Variants in LTBP4 observed in about 807,000 individuals in gnomAD.
LTBP4 encodes latent-transforming growth factor beta-binding protein 4.
LTBP4 carries 93 observed loss-of-function variants against 180.2 expected under a neutral mutation model. That is an observed-to-expected ratio of 0.52 (90% CI 0.44 to 0.61). LTBP4 has a LOEUF of 0.61. LTBP4 is among the 20% of genes least tolerant of loss of function. The pLI is 0.00. For missense variants in LTBP4, 2,116 were observed against 2,256.5 expected (o/e 0.94, Z 1.26); for synonymous variants, 947 against 934.5 (o/e 1.01, Z -0.24).
At chr19:40,618,665 G>T (rs938910428) in intron 21 of LTBP4, among the ~76,000 whole-genome samples, 8 of 152,150 alleles carry the variant, frequency 5.3e-5, no homozygotes, top group African/African-American at 1.9e-4. Flanking sequence ...ACAGGCATGA[G>T]CCATTGTACC....
chr19:40,612,978 C>T, intron 15 of LTBP4, 87 bp from the exon 16 acceptor site: 1 of 1,398,598 alleles, frequency 7.2e-7, no homozygotes, highest in Non-Finnish European at 9.9e-7. Flanking sequence ...AGACTTCCCA[C>T]CACCTCCCCC....
At position 40,622,605 on chromosome 19, in the gene LTBP4, G is replaced by C. The variant is rs1449406681; in HGVS notation, c.3422G>C (p.Cys1141Ser). 1 of 1,613,120 alleles carries C rather than the reference G, an allele frequency of 6.2e-7. No homozygotes were observed. Among genetic ancestry groups the C allele is most frequent in the Admixed American group, 1.7e-5 (1 of 59,992 alleles). ...ARNVTWQECC[C>S]TVGEGWGSGC... is the part of the protein sequence containing the mutation. ...AATGTGACATGGCAGGAGTGCTGCT[G>C]TACTGTGGGTGAGGGCTGGGGCAGC... Residue 1141 changes from cysteine (C) to serine (S), a missense_variant, in exon 23 of 30, where the codon TGT becomes TCT. Cys to Ser is a moderately radical substitution (Grantham distance 112, BLOSUM62 -1). Coordinates refer to ENST00000396819, the MANE Select transcript of LTBP4 (RefSeq NM_001042545.2). The surrounding 1 kb of genome is among the most constrained non-coding windows in gnomAD (Gnocchi z 5.1).
chr19:40,625,301 TATA>T (rs2081623606), intron 26 of LTBP4, among the ~76,000 whole-genome samples: 1 of 20,386 alleles, frequency 4.9e-5, no homozygotes, highest in African/African-American at 4.2e-4. Context: ...TATATATATA[TATA>T]TATATATATA....
In LTBP4 at chr19:40,629,329, A is replaced by C; in HGVS notation, c.4520-67A>C. Reference sequence around the variant, plus strand: ...CTGTGCTCCTCTGTTCCAAGAACTTAAGGGGCCAAGGAGGCGAGCTTCTGG... The same window carrying C: ...CTGTGCTCCTCTGTTCCAAGAACTTCAGGGGCCAAGGAGGCGAGCTTCTGG... On this transcript the variant is annotated intron_variant, in intron 29 of 29. Coordinates refer to ENST00000396819, the MANE Select transcript of LTBP4 (RefSeq NM_001042545.2). This position sits in a 1 kb window ranked among gnomAD's most constrained non-coding sequence, Gnocchi z 4.5. The C allele has an allele frequency of 1.3e-6, 2 of 1,598,236 alleles. No homozygotes were observed. The highest frequency in any genetic ancestry group is 1.7e-6 in the Non-Finnish European group (2 of 1,167,850).
chr19:40,606,052 G>C (rs561159561), intron 4 of LTBP4, among the ~76,000 whole-genome samples, 181 bp from the exon 5 acceptor site: 125 of 152,196 alleles, frequency 8.2e-4, no homozygotes, highest in African/African-American at 3.0e-3. Context: ...TTGTGCCTTG[G>C]CCCCCCACCA....
Position 40,620,943 on chromosome 19 carries a change from GT to G in LTBP4, c.3218-1447del, listed in dbSNP as rs879638174. Among the ~76,000 whole-genome samples, 41 of 147,122 alleles carry G rather than the reference GT, an allele frequency of 2.8e-4. No homozygotes were observed. In the East Asian group the frequency reaches 3.2e-3, roughly 11 times the overall value. On this transcript the variant is annotated intron_variant, in intron 22 of 29. Coordinates refer to ENST00000396819, the MANE Select transcript of LTBP4 (RefSeq NM_001042545.2). Reference sequence around the variant, plus strand: ...TAGTAAGCACAGTACCCAACAGCCAGTTTTTTTTTTTCTTTGAGACGGAGTT... The same window carrying G: ...TAGTAAGCACAGTACCCAACAGCCAGTTTTTTTTTTCTTTGAGACGGAGTT...
At chr19:40,626,675 C>G (rs1265451926) in intron 27 of LTBP4, among the ~76,000 whole-genome samples, 2 of 152,180 alleles carry the variant, frequency 1.3e-5, no homozygotes, top group Non-Finnish European at 2.9e-5. Context: ...CTGGGATTCC[C>G]CAGTCCTGGT....
At position 40,604,916 on chromosome 19, in the gene LTBP4, G is replaced by A. The variant is rs2081447583; in HGVS notation, c.251-119G>A. Reference sequence around the variant, plus strand: ...ATGCTGATGCCAGAATTGGGGCGGGGCCACATGACAGCTAAGGGCGGAGCG... The same window carrying A: ...ATGCTGATGCCAGAATTGGGGCGGGACCACATGACAGCTAAGGGCGGAGCG... On this transcript the variant is annotated intron_variant, in intron 1 of 29. Transcript: ENST00000396819. 8.0e-6 allele frequency: 7 copies of A among 871,076 alleles called. No individual in the cohort carries two copies. The African/African-American group carries it at 1.2e-4, about 15-fold the overall frequency. 54.0% of individuals were successfully genotyped at this position (871,076 alleles called of 1,614,324 possible).
At position 40,622,914 on chromosome 19, in the gene LTBP4, T is replaced by A. The variant is rs2146044402; in HGVS notation, c.3485-36T>A. ...AGCAGGTCAGGGCTGGGGCTGGGGC[T>A]CTGGTGTCCTGGCTCAGGCTTGTCT... On this transcript the variant is annotated intron_variant, in intron 23 of 29. Transcript: ENST00000396819. The surrounding 1 kb of genome is among the most constrained non-coding windows in gnomAD (Gnocchi z 5.1). 1.2e-6 allele frequency: 2 copies of A among 1,604,368 alleles called. No homozygotes were observed. The highest frequency in any genetic ancestry group is 2.2e-5 in the East Asian group (1 of 44,708).
intron 19 of LTBP4, among the ~76,000 whole-genome samples, chr19:40,614,682 C>G (rs1035340251): frequency 3.3e-5 from 5 of 152,164 alleles, no homozygotes; most frequent in African/African-American, 9.7e-5. Flanking sequence ...GCAGCTGAAG[C>G]CCGGTCCACA....
In LTBP4 at chr19:40,613,218, C is replaced by A. The variant is rs1409333923; in HGVS notation, c.2431+22C>A. On this transcript the variant is annotated intron_variant, in intron 16 of 29. Coordinates refer to ENST00000396819, the MANE Select transcript of LTBP4 (RefSeq NM_001042545.2). The surrounding 1 kb of genome is among the most constrained non-coding windows in gnomAD (Gnocchi z 5.0). ...GCAGGTGAGCAGCATAGGGACCCGC[C>A]AGAGAGTCTGGGAGTAGGGCCTGGG... 1.3e-6 allele frequency: 2 copies of A among 1,556,610 alleles called. No homozygotes were observed. Among genetic ancestry groups the A allele is most frequent in the African/African-American group, 1.4e-5 (1 of 73,276 alleles).
In LTBP4 at chr19:40,611,742, G is replaced by A; in HGVS notation, c.2054-117G>A. The A allele has an allele frequency of 7.0e-7, 1 of 1,431,060 alleles. No individual in the cohort carries two copies. The allele number at this position is 1,431,060 out of a possible 1,614,324, so 88.6% of individuals were successfully genotyped here. ...GTGTCTGTCTTCCTGGGAAGAGGGA[G>A]CAGCCTGAGGCAAGTCCAGAAGGCA... On this transcript the variant is annotated intron_variant, in intron 13 of 29. Transcript: ENST00000396819. This position sits in a 1 kb window ranked among gnomAD's most constrained non-coding sequence, Gnocchi z 4.4.
rs1365553510 is a variant in LTBP4, at chr19:40,629,264, A to G, written c.4520-132A>G. 2.7e-5 allele frequency: 32 copies of G among 1,181,358 alleles called. No individual in the cohort carries two copies. The highest frequency in any genetic ancestry group is 3.8e-5 in the Non-Finnish European group (31 of 805,550). 73.2% of individuals were successfully genotyped at this position (1,181,358 alleles called of 1,614,324 possible). A position where few individuals can be genotyped will look rare whatever the true frequency, so the allele number is the denominator to read the frequency against. ...ACCTGGCCGGGCTCACACAGTTAGCAGATGGCAGAGGCCAGATTGGACTCC... is the reference window on the plus strand; with the variant it reads ...ACCTGGCCGGGCTCACACAGTTAGCGGATGGCAGAGGCCAGATTGGACTCC... On this transcript the variant is annotated intron_variant, in intron 29 of 29. Transcript: ENST00000396819. This position sits in a 1 kb window ranked among gnomAD's most constrained non-coding sequence, Gnocchi z 4.5.
At position 40,611,304 on chromosome 19, in the gene LTBP4, G is replaced by A. The variant is rs562087334; in HGVS notation, c.1963G>A (p.Gly655Arg). The change falls in exon 13 of 30, where the codon GGG becomes AGG. Residue 655 changes from glycine to arginine, a missense_variant. By Grantham distance (125) the Gly-to-Arg change is moderately radical. Transcript: ENST00000396819. The surrounding 1 kb of genome is among the most constrained non-coding windows in gnomAD (Gnocchi z 4.4). Reference protein sequence around the residue: ...DECAQEPPPCGPGRCDNTAGS... With the variant: ...DECAQEPPPCRPGRCDNTAGS... ...GTGTGCCCAGGAGCCGCCGCCCTGT[G>A]GGCCCGGCCGCTGTGACAACACGGC... 1 of 1,611,830 alleles carries A rather than the reference G, an allele frequency of 6.2e-7. No homozygotes were observed. Among genetic ancestry groups the A allele is most frequent in the African/African-American group, 1.3e-5 (1 of 74,876 alleles).
rs2081618748 is a variant in LTBP4, at chr19:40,625,275, TATATATATATATATATATATATATA to T, written c.3833-581_3833-557del. Among the ~76,000 whole-genome samples, 30 of 12,360 alleles carry T rather than the reference TATATATATATATATATATATATATA, an allele frequency of 2.4e-3. 6 individuals carry two copies. Among genetic ancestry groups the T allele is most frequent in the African/African-American group, 7.3e-3 (10 of 1,362 alleles). The allele number at this position is 12,360 out of a possible 152,430, so 8.1% of individuals were successfully genotyped here. On this transcript the variant is annotated intron_variant, in intron 26 of 29. Coordinates refer to ENST00000396819, the MANE Select transcript of LTBP4 (RefSeq NM_001042545.2). Reference sequence around the variant, plus strand: ...ATTTATATATATATATATATATATATATATATATATATATATATATATATATATATATATATATATATTTTTTTTT... The same window carrying T: ...ATTTATATATATATATATATATATATTATATATATATATATATTTTTTTTT...
chr19:40,625,522 TAC>T (rs978557288), intron 26 of LTBP4, among the ~76,000 whole-genome samples: 1 of 151,402 alleles, frequency 6.6e-6, no homozygotes, highest in Non-Finnish European at 1.5e-5. Context: ...CTTACCCCCA[TAC>T]AGTGAGATGT....
At position 40,614,370 on chromosome 19, in the gene LTBP4, G is replaced by C. The variant is rs759580951; in HGVS notation, c.2736G>C (p.Glu912Asp). ...GPALCGSQRC[E>D]NSPGSYRCVR... ...CCCTGTGCGGGTCGCAGCGCTGTGA[G>C]AACTCTCCCGGCTCCTACCGCTGTG... Residue 912 changes from glutamate (E) to aspartate (D), a missense_variant, in exon 19 of 30, where the codon GAG becomes GAC. By Grantham distance (45) the Glu-to-Asp change is conservative. Coordinates refer to ENST00000396819, the MANE Select transcript of LTBP4 (RefSeq NM_001042545.2). 2 of 1,600,516 alleles carry C rather than the reference G, an allele frequency of 1.2e-6. No homozygotes were observed. The highest frequency in any genetic ancestry group is 1.7e-6 in the Non-Finnish European group (2 of 1,179,800).
rs2081458306 is a variant in LTBP4 at position 40,605,956 on chromosome 19, G to T, written c.793+125G>T. ...TAGCCACGCCTACCCCATTGTGGAGGCGACTTCCAGTCCTGAGCTTTTCAT... is the reference window on the plus strand; with the variant it reads ...TAGCCACGCCTACCCCATTGTGGAGTCGACTTCCAGTCCTGAGCTTTTCAT... On this transcript the variant is annotated intron_variant, in intron 4 of 29. Transcript: ENST00000396819. This position sits in a 1 kb window ranked among gnomAD's most constrained non-coding sequence, Gnocchi z 5.5. 2.7e-6 allele frequency: 3 copies of T among 1,106,396 alleles called. No homozygotes were observed. In the South Asian group the frequency reaches 4.7e-5, roughly 17 times the overall value. 68.5% of individuals were successfully genotyped at this position (1,106,396 alleles called of 1,614,324 possible).
Position 40,629,477 on chromosome 19 carries a change from G to A in LTBP4, c.4601G>A (p.Arg1534His), listed in dbSNP as rs2081661926. 2.5e-6 allele frequency: 4 copies of A among 1,607,666 alleles called. No individual in the cohort carries two copies. Among genetic ancestry groups the A allele is most frequent in the Admixed American group, 1.7e-5 (1 of 59,840 alleles). Residue 1534 changes from arginine to histidine, a missense_variant, in exon 30 of 30, where the codon CGC becomes CAC. Transcript: ENST00000396819. The surrounding 1 kb of genome is among the most constrained non-coding windows in gnomAD (Gnocchi z 4.5). ...TGCCTCAACACGGATGGCTCCTTCC[G>A]CTGCATCTGCCGCCCGGGATTCGCA... ...ARCLNTDGSF[R>H]CICRPGFAPT...
Sources: gnomAD v4.1 joint callset for allele counts (sites outside exome capture counted in the v4.1 genomes callset) on GRCh38, gnomAD v4.1.1 for gene constraint, Gnocchi (gnomAD v3.1) non-coding constraint, MANE v1.5 for transcripts, NCBI Gene and HGNC (gene_info 2026-07-23, HGNC 2026-07-21) for gene names.